NCALD: variants seen among roughly 807,000 people sequenced by gnomAD.
NCALD encodes neurocalcin-delta.
A neutral mutation model predicts 18.6 loss-of-function variants in NCALD; 10 were observed. The observed-to-expected ratio is 0.54, with a 90% CI of 0.33 to 0.91. The LOEUF is 0.91. Ranked by LOEUF, NCALD falls within the 40% of genes least tolerant of loss-of-function variation. The pLI is 0.03. For missense variants in NCALD, 184 were observed against 247.6 expected, an observed-to-expected ratio of 0.74 and a Z score of 1.72; for synonymous variants, 88 against 87.4, an observed-to-expected ratio of 1.01 and a Z score of -0.04.
chr8:101,844,446 C>A (rs1203729303), intron 4 of NCALD, among the ~76,000 whole-genome samples: 29 of 151,824 alleles, frequency 1.9e-4, no homozygotes, highest in Non-Finnish European at 1.5e-5. Context: ...ACAGCTTCAA[C>A]CCCTGGGCTC....
At chr8:101,871,098 A>G (rs932798661) in intron 4 of NCALD, among the ~76,000 whole-genome samples, 94 of 152,170 alleles carry the variant, frequency 6.2e-4, no homozygotes, top group Middle Eastern at 3.4e-3. Flanking sequence ...GCGCAATTTA[A>G]TTCTTAGGTT....
rs3056946 is a variant in NCALD, at chr8:101,871,583, C to CTTTTTTTT, written c.-20+15550_-20+15557dup. On this transcript the variant is annotated intron_variant, in intron 4 of 6. Coordinates refer to the NCALD transcript ENST00000311028. Reference sequence around the variant, plus strand: ...TTTAATCCTCTGGAATTCAGATTTTCTTTTTTTTTTTTTTGCCATACCAAT... The same window carrying CTTTTTTTT: ...TTTAATCCTCTGGAATTCAGATTTTCTTTTTTTTTTTTTTTTTTTTTTGCCATACCAAT... 8.1e-4 allele frequency among the ~76,000 whole-genome samples: 113 copies of CTTTTTTTT among 138,876 alleles called. 1 individual carries two copies. The highest frequency in any genetic ancestry group is 2.6e-3 in the African/African-American group (102 of 38,648). 91.1% of individuals were successfully genotyped at this position (138,876 alleles called of 152,430 possible).
chr8:101,852,957 C>T (rs535928597), intron 4 of NCALD, among the ~76,000 whole-genome samples: 2 of 152,280 alleles, frequency 1.3e-5, no homozygotes, highest in African/African-American at 4.8e-5. Context: ...AGTCGACATC[C>T]TCTGATCCAG....
At chr8:101,826,414 G>C (rs1003086414) in intron 4 of NCALD, among the ~76,000 whole-genome samples, 8 of 151,696 alleles carry the variant, frequency 5.3e-5, no homozygotes, top group Non-Finnish European at 1.2e-4. Context: ...TGATTCAGGG[G>C]TTAGAGGGTT....
intron 1 of NCALD, among the ~76,000 whole-genome samples, chr8:101,777,651 T>C (rs1197773848): frequency 6.6e-6 from 1 of 152,214 alleles, no homozygotes; most frequent in East Asian, 1.9e-4. Flanking sequence ...GTGCCAATCA[T>C]ACATCAGCAC....
intron 1 of NCALD, among the ~76,000 whole-genome samples, chr8:102,046,613 T>C (rs548090437): frequency 6.6e-6 from 1 of 152,230 alleles, no homozygotes; most frequent in South Asian, 2.1e-4. Flanking sequence ...CAAGTGATCC[T>C]CCCGCCTCAG....
chr8:101,938,832 G>A (rs1586789542), intron 2 of NCALD, among the ~76,000 whole-genome samples: 1 of 152,240 alleles, frequency 6.6e-6, no homozygotes, highest in South Asian at 2.1e-4. Context: ...ATTGCAAAGT[G>A]ATCACCAGCA....
chr8:101,956,993 G>T (rs571547045), intron 2 of NCALD, among the ~76,000 whole-genome samples: 3 of 152,196 alleles, frequency 2.0e-5, no homozygotes, highest in African/African-American at 7.2e-5. Flanking sequence ...CCCTCCCAAA[G>T]AAATAAATGA....
chr8:101,894,538 C>T (rs1434068332), intron 3 of NCALD, among the ~76,000 whole-genome samples: 1 of 143,740 alleles, frequency 7.0e-6, no homozygotes, highest in African/African-American at 2.8e-5. Context: ...GAAATAGAGA[C>T]ACAAAAAACC....
At position 101,719,243 on chromosome 8, in the gene NCALD, T is replaced by C. The variant is rs1164783292; in HGVS notation, c.378+9A>G. ...GCCCTTCTTTTTTTAAAGGGCTCAGTCTACGTACCTGCACGATCTCTAGCA... is the reference window on the plus strand; with the variant it reads ...GCCCTTCTTTTTTTAAAGGGCTCAGCCTACGTACCTGCACGATCTCTAGCA... On this transcript the variant is annotated intron_variant, in intron 2 of 3. Transcript: ENST00000220931. The C allele has an allele frequency of 1.9e-6, 3 of 1,611,420 alleles. No individual in the cohort carries two copies. Among genetic ancestry groups the C allele is most frequent in the Non-Finnish European group, 2.5e-6 (3 of 1,178,812 alleles).
At chr8:101,725,836 A>G (rs1272153792) in intron 1 of NCALD, among the ~76,000 whole-genome samples, 1 of 152,222 alleles carries the variant, frequency 6.6e-6, no homozygotes, top group Non-Finnish European at 1.5e-5. Flanking sequence ...CACACAATAC[A>G]TAAAATAAGT....
intron 4 of NCALD, among the ~76,000 whole-genome samples, chr8:101,834,462 C>A (rs1182491878): frequency 1.3e-5 from 2 of 152,218 alleles, no homozygotes; most frequent in Admixed American, 6.5e-5. Context: ...ACCGGATGGG[C>A]CTTCAGTTTC....
At chr8:101,981,011 C>A (rs1281114304) in intron 2 of NCALD, among the ~76,000 whole-genome samples, 1 of 152,172 alleles carries the variant, frequency 6.6e-6, no homozygotes, top group Non-Finnish European at 1.5e-5. Flanking sequence ...ATTACCAGTA[C>A]CAATTATCTG....
chr8:101,806,384 A>AT (rs1431125932), intron 4 of NCALD, among the ~76,000 whole-genome samples: 2 of 152,172 alleles, frequency 1.3e-5, no homozygotes. Flanking sequence ...ATTTAGATGT[A>AT]TTTTAGAAAG....
chr8:101,922,455 C>T lies in NCALD; in HGVS notation c.-156-6597G>A, dbSNP rs543362970. ...ACATCCTATCTTACCTATTTGTTCC[C>T]AGCAATTAATGAGAAAATAGTGAAA... is the stretch of plus-strand genomic sequence containing the variant. On this transcript the variant is annotated intron_variant, in intron 2 of 6. Transcript: ENST00000311028. Among the ~76,000 whole-genome samples the T allele has an allele frequency of 3.9e-5, 6 of 152,250 alleles. No homozygotes were observed. The South Asian group carries it at 1.2e-3, about 32-fold the overall frequency.
At chr8:101,877,132 C>G (rs1020341231) in intron 4 of NCALD, among the ~76,000 whole-genome samples, 3 of 152,200 alleles carry the variant, frequency 2.0e-5, no homozygotes, top group African/African-American at 7.2e-5. Flanking sequence ...GTGCTAGAAA[C>G]CTGTGAATTT....
intron 3 of NCALD, among the ~76,000 whole-genome samples, chr8:101,912,806 CA>C (rs1817847128): frequency 6.6e-6 from 1 of 152,220 alleles, no homozygotes; most frequent in Admixed American, 6.5e-5. Context: ...TGATTTTCAG[CA>C]AACGAAATAT....
At chr8:101,766,555 T>C (rs186268685) in intron 1 of NCALD, among the ~76,000 whole-genome samples, 36 of 152,280 alleles carry the variant, frequency 2.4e-4, no homozygotes, top group African/African-American at 8.4e-4. Flanking sequence ...ACCATAACTT[T>C]CATCAGTTTC....
intron 4 of NCALD, among the ~76,000 whole-genome samples, chr8:101,797,018 G>A (rs1431829353): frequency 6.6e-6 from 1 of 152,160 alleles, no homozygotes; most frequent in Non-Finnish European, 1.5e-5. Context: ...TCCCTACTTT[G>A]AGTTATCCCC....
Sources: gnomAD v4.1 joint callset for allele counts (sites outside exome capture counted in the v4.1 genomes callset) on GRCh38, gnomAD v4.1.1 for gene constraint, MANE v1.5 for transcripts, NCBI Gene and HGNC (gene_info 2026-07-23, HGNC 2026-07-21) for gene names.